FHIT: variants seen among roughly 807,000 people sequenced by gnomAD.
FHIT encodes bis(5'-adenosyl)-triphosphatase.
A neutral mutation model predicts 17.9 loss-of-function variants in FHIT; 19 were observed. The ratio of observed to expected loss-of-function variants is 1.06; its 90% CI spans 0.74 to 1.56. The LOEUF (loss-of-function observed/expected upper bound fraction) is 1.56, where lower values mean the gene tolerates loss of function less well. Ranked by LOEUF, FHIT falls within the 40% of genes most tolerant of loss-of-function variation. The pLI is 0.00. For synonymous variants in FHIT, 81 were observed against 69.7 expected (o/e 1.16, Z -0.81); for missense variants, 248 against 189.2 (o/e 1.31, Z -1.82).
chr3:61,156,008 C>A (rs9917837), intron 2 of FHIT, among the ~76,000 whole-genome samples: 37,132 of 152,072 alleles, frequency 0.24, 4,982 homozygotes, highest in East Asian at 0.44. Flanking sequence ...CCCCCAATAA[C>A]AGCCTTGGGT....
intron 8 of FHIT, among the ~76,000 whole-genome samples, chr3:59,915,971 C>T (rs192834990): frequency 1.3e-4 from 20 of 150,920 alleles, no homozygotes; most frequent in African/African-American, 4.4e-4. Context: ...AAATGACTAA[C>T]CTGAATCATA....
chr3:60,981,627 G>A (rs1710499636), intron 3 of FHIT, among the ~76,000 whole-genome samples: 3 of 151,816 alleles, frequency 2.0e-5, no homozygotes, highest in Admixed American at 6.6e-5. Context: ...TTCCTTTTTT[G>A]AGACAGGGTC....
At chr3:60,213,248 T>C (rs1396975205) in intron 5 of FHIT, among the ~76,000 whole-genome samples, 1 of 152,182 alleles carries the variant, frequency 6.6e-6, no homozygotes. Context: ...CCCCATCTGC[T>C]TCTTTCCGTC....
At chr3:59,846,069 T>C (rs1701707602) in intron 8 of FHIT, among the ~76,000 whole-genome samples, 1 of 152,224 alleles carries the variant, frequency 6.6e-6, no homozygotes, top group South Asian at 2.1e-4. Context: ...CTAGGCTGTT[T>C]AATCCATTTA....
intron 2 of FHIT, among the ~76,000 whole-genome samples, chr3:61,128,281 A>G (rs2036667974): frequency 6.6e-6 from 1 of 152,216 alleles, no homozygotes; most frequent in Non-Finnish European, 1.5e-5. Flanking sequence ...TGAAAAACCT[A>G]CAACTTTGAT....
chr3:60,021,305 C>T (rs903953620), intron 5 of FHIT, among the ~76,000 whole-genome samples: 4 of 152,150 alleles, frequency 2.6e-5, no homozygotes, highest in Non-Finnish European at 4.4e-5. Context: ...CTCAAAACTC[C>T]GGTACCGATC....
At position 61,063,255 on chromosome 3, in the gene FHIT, C is replaced by CAAAA. The variant is rs371077056; in HGVS notation, c.-163-21160_-163-21157dup. Reference sequence around the variant, plus strand: ...TGAGCGACAGAGCGAGACTCTGTCTCAAAAAAAAAAAAGATTAGTTTTAAG... The same window carrying CAAAA: ...TGAGCGACAGAGCGAGACTCTGTCTCAAAAAAAAAAAAAAAAGATTAGTTTTAAG... On this transcript the variant is annotated intron_variant, in intron 2 of 9. Coordinates refer to ENST00000492590, the MANE Select transcript of FHIT (RefSeq NM_002012.4). Among the ~76,000 whole-genome samples, 5 of 95,882 alleles carry CAAAA rather than the reference C, an allele frequency of 5.2e-5. 1 individual carries two copies. The highest frequency in any genetic ancestry group is 1.1e-4 in the Admixed American group (1 of 8,756). 62.9% of individuals were successfully genotyped at this position (95,882 alleles called of 152,430 possible). A position where few individuals can be genotyped will look rare whatever the true frequency, so the allele number is the denominator to read the frequency against.
At chr3:60,403,010 G>A (rs2734361) in intron 5 of FHIT, among the ~76,000 whole-genome samples, 110,344 of 152,070 alleles carry the variant, frequency 0.73, 40,095 homozygotes, top group Admixed American at 0.79. Flanking sequence ...GATACCAATA[G>A]TGCAAAACAA....
intron 4 of FHIT, among the ~76,000 whole-genome samples, chr3:60,790,191 T>C (rs1700726305): frequency 6.6e-6 from 1 of 152,170 alleles, no homozygotes; most frequent in Non-Finnish European, 1.5e-5. Flanking sequence ...ATTGTCAGTG[T>C]TGTTCTAAAA....
intron 3 of FHIT, among the ~76,000 whole-genome samples, chr3:60,852,690 A>G (rs1363532899): frequency 6.6e-6 from 1 of 152,178 alleles, no homozygotes; most frequent in East Asian, 1.9e-4. Flanking sequence ...TAAACTGAAA[A>G]GAGTAGTTAC....
chr3:60,385,860 G>A (rs1177302661), intron 5 of FHIT, among the ~76,000 whole-genome samples: 6 of 152,118 alleles, frequency 3.9e-5, no homozygotes, highest in Non-Finnish European at 7.4e-5. Flanking sequence ...TGACATATGT[G>A]AGCCACTGTG....
chr3:61,237,788 C>G (rs1339686637), intron 1 of FHIT, among the ~76,000 whole-genome samples: 1 of 152,182 alleles, frequency 6.6e-6, no homozygotes, highest in Non-Finnish European at 1.5e-5. Flanking sequence ...GAAAGCGAAG[C>G]TCAGAGAGGT....
intron 2 of FHIT, among the ~76,000 whole-genome samples, chr3:61,122,542 A>G (rs2036489176): frequency 6.6e-6 from 1 of 152,232 alleles, no homozygotes; most frequent in Admixed American, 6.5e-5. Flanking sequence ...GCACAGCAAA[A>G]GAAACTACGA....
chr3:59,965,773 A>G (rs1455748826), intron 7 of FHIT, among the ~76,000 whole-genome samples: 1 of 152,254 alleles, frequency 6.6e-6, no homozygotes, highest in Non-Finnish European at 1.5e-5. Context: ...TTGATATTCA[A>G]AACTAACTAT....
chr3:60,947,787 A>T (rs1708702805), intron 3 of FHIT, among the ~76,000 whole-genome samples: 1 of 152,154 alleles, frequency 6.6e-6, no homozygotes, highest in South Asian at 2.1e-4. Flanking sequence ...AGGACTATTT[A>T]CTCAACAGAA....
intron 2 of FHIT, among the ~76,000 whole-genome samples, chr3:61,154,715 A>G (rs2037486808): frequency 6.6e-6 from 1 of 152,160 alleles, no homozygotes; most frequent in Admixed American, 6.5e-5. Context: ...AAATCAAAAT[A>G]ATTACATTAA....
intron 5 of FHIT, among the ~76,000 whole-genome samples, chr3:60,439,132 T>G (rs1162790553): frequency 6.6e-6 from 1 of 152,082 alleles, no homozygotes; most frequent in Non-Finnish European, 1.5e-5. Context: ...TTAGACTGCT[T>G]TGCAGGCATC....
At chr3:59,770,844 C>G (rs4679607) in intron 8 of FHIT, among the ~76,000 whole-genome samples, 33,329 of 152,110 alleles carry the variant, frequency 0.22, 3,996 homozygotes, top group Admixed American at 0.34. Context: ...GACTCCCATG[C>G]TCAACCCTTG....
chr3:60,247,423 A>G (rs1356481061), intron 5 of FHIT, among the ~76,000 whole-genome samples: 1 of 149,406 alleles, frequency 6.7e-6, no homozygotes, highest in African/African-American at 2.4e-5. Flanking sequence ...AAGGAAGAAG[A>G]TGATGAAGAT....
Sources: allele counts gnomAD v4.1 joint callset (sites outside exome capture counted in the v4.1 genomes callset), GRCh38; gene constraint gnomAD v4.1.1; transcripts MANE v1.5; gene names NCBI Gene and HGNC (gene_info 2026-07-23, HGNC 2026-07-21).